Variants in SKOR2 observed in about 807,000 individuals in gnomAD.
SKOR2 encodes SKI family transcriptional corepressor 2, also known as LBX1 corepressor 1-like protein.
SKOR2 carries 47 observed loss-of-function variants against 69.1 expected under a neutral mutation model. That is an observed-to-expected ratio of 0.68 (90% confidence interval 0.54 to 0.87). The LOEUF is 0.87. Ranked by LOEUF, SKOR2 falls within the 40% of genes least tolerant of loss-of-function variation. The pLI, the probability that SKOR2 is intolerant of heterozygous loss-of-function variation, is 0.00. For synonymous variants in SKOR2, 717 were observed against 672.6 expected, an observed-to-expected ratio of 1.07 and a Z score of -1.02; for missense variants, 1,404 against 1,472.2, an observed-to-expected ratio of 0.95 and a Z score of 0.76.
chr18:47,219,879 T>A, intron 7 of SKOR2, 64 bp downstream of exon 7: 1 of 1,383,504 alleles, frequency 7.2e-7, no homozygotes, highest in Non-Finnish European at 9.9e-7. Flanking sequence ...GTTTCATACA[T>A]ATTGGGTAGT....
chr18:47,249,384 A>T (rs2064303096), intron 1 of SKOR2, among the ~76,000 whole-genome samples, 154 bp from the exon 2 acceptor site: 1 of 152,262 alleles, frequency 6.6e-6, no homozygotes, highest in Non-Finnish European at 1.5e-5. Flanking sequence ...AACACAAGAA[A>T]GTCATCTCTT....
chr18:47,232,092 T>C (rs1441834656), intron 4 of SKOR2, among the ~76,000 whole-genome samples: 1 of 151,962 alleles, frequency 6.6e-6, no homozygotes, highest in East Asian at 1.9e-4. Flanking sequence ...TGAGCTGTGA[T>C]TGCACTACTG....
chr18:47,231,843 CA>C (rs11342275), intron 4 of SKOR2, among the ~76,000 whole-genome samples: 55,949 of 130,724 alleles, frequency 0.43, 11,288 homozygotes, highest in Middle Eastern at 0.55. Flanking sequence ...AACTCCATCT[CA>C]AAAAAAAAAA....
rs1430172934 is a variant in SKOR2 at position 47,247,463 on chromosome 18, G to A, written c.1721C>T (p.Thr574Met). 3 of 1,230,060 alleles carry A rather than the reference G, an allele frequency of 2.4e-6. No homozygotes were observed. The highest frequency in any genetic ancestry group is 1.0e-6 in the Non-Finnish European group (1 of 987,184). 76.2% of individuals were successfully genotyped at this position (1,230,060 alleles called of 1,614,324 possible). Reference protein sequence around the residue: ...GSGGDCSAGSTPPADSVAAAG... With the variant: ...GSGGDCSAGSMPPADSVAAAG... The stretch of plus-strand genomic sequence containing the variant: ...AGCTGCCACAGAGTCCGCGGGCGGC[G>A]TGGAGCCCGCGCTGCAGTCCCCGCC... Residue 574 changes from threonine (T) to methionine (M), a missense_variant, in exon 2 of 9, where the codon ACG becomes ATG. Thr to Met is a moderately conservative substitution (Grantham distance 81). This residue lies in a region of SKOR2 where 1,266 missense variants were observed against 1,309.9 expected (regional missense o/e 0.97). Transcript: ENST00000425639. The surrounding 1 kb of genome is among the most constrained non-coding windows in gnomAD (Gnocchi z 6.6).
chr18:47,232,454 C>T (rs533689800), intron 4 of SKOR2, among the ~76,000 whole-genome samples: 40 of 152,198 alleles, frequency 2.6e-4, no homozygotes, highest in Admixed American at 1.2e-3. Context: ...AACCCCCTAT[C>T]CTCAATGCTC....
At chr18:47,235,352 C>T (rs1469737367) in intron 4 of SKOR2, among the ~76,000 whole-genome samples, 1 of 151,954 alleles carries the variant, frequency 6.6e-6, no homozygotes, top group Non-Finnish European at 1.5e-5. Context: ...AGAGTGAGAC[C>T]CTGACTTAAA....
chr18:47,209,982 T>C (rs987729894), intron 8 of SKOR2, among the ~76,000 whole-genome samples: 4 of 151,918 alleles, frequency 2.6e-5, no homozygotes, highest in Non-Finnish European at 5.9e-5. Context: ...AATGCTGAGA[T>C]AGGAGGATGG....
In SKOR2 at chr18:47,247,104, C is replaced by A; in HGVS notation, c.2080G>T (p.Ala694Ser). 1 of 1,298,116 alleles carries A rather than the reference C, an allele frequency of 7.7e-7. No individual in the cohort carries two copies. Among genetic ancestry groups the A allele is most frequent in the South Asian group, 2.2e-5 (1 of 46,156 alleles). The allele number at this position is 1,298,116 out of a possible 1,614,324, so 80.4% of individuals were successfully genotyped here. Residue 694 changes from alanine (A) to serine (S), a missense_variant, in exon 2 of 9, where the codon GCC (alanine) becomes TCC (serine). Transcript: ENST00000425639. This position sits in a 1 kb window ranked among gnomAD's most constrained non-coding sequence, Gnocchi z 6.6. ...DEPGSERHHP[A>S]PPPPPPPPPP... ...GGCGGCGGCGGCGGCGGCGGCGGGG[C>A]CGGGTGGTGGCGCTCGGAACCCGGC...
At chr18:47,233,544 G>A (rs2064208202) in intron 4 of SKOR2, among the ~76,000 whole-genome samples, 2 of 152,196 alleles carry the variant, frequency 1.3e-5, no homozygotes, top group Admixed American at 1.3e-4. Flanking sequence ...ATCTGAACAA[G>A]AGAAGAAAGA....
rs2064156406 is a variant in SKOR2, at chr18:47,220,026, G to T, written c.2918-16C>A. Reference sequence around the variant, plus strand: ...TGAAAATTATCTGGTAGGAGAGAGAGATAGAGAAAGATTAACTAAAGTGTA... The same window carrying T: ...TGAAAATTATCTGGTAGGAGAGAGATATAGAGAAAGATTAACTAAAGTGTA... On this transcript the variant is annotated splice_polypyrimidine_tract_variant and intron_variant, in intron 6 of 8. Transcript: ENST00000425639. 1.3e-6 allele frequency: 2 copies of T among 1,525,684 alleles called. No individual in the cohort carries two copies. Among genetic ancestry groups the T allele is most frequent in the Non-Finnish European group, 1.8e-6 (2 of 1,139,590 alleles). 94.5% of individuals were successfully genotyped at this position (1,525,684 alleles called of 1,614,324 possible). A position where few individuals can be genotyped will look rare whatever the true frequency, so the allele number is the denominator to read the frequency against.
chr18:47,234,316 C>G (rs1416919225), intron 4 of SKOR2: 3 of 151,848 alleles, frequency 2.0e-5, no homozygotes, highest in Non-Finnish European at 4.4e-5. Flanking sequence ...CAGTGAGCTC[C>G]CAATTTTTCT....
chr18:47,220,574 C>G (rs1355326229), intron 6 of SKOR2, among the ~76,000 whole-genome samples: 1 of 152,166 alleles, frequency 6.6e-6, no homozygotes, highest in Non-Finnish European at 1.5e-5. Context: ...TTTTATGTTC[C>G]TGCTTTGTCC....
intron 7 of SKOR2, among the ~76,000 whole-genome samples, chr18:47,212,845 C>G (rs932597050): frequency 6.6e-6 from 1 of 151,936 alleles, no homozygotes; most frequent in African/African-American, 2.4e-5. Context: ...TGGTGGCACA[C>G]ACCTGCTACT....
chr18:47,245,067 G>C, intron 3 of SKOR2, 85 bp from the exon 4 acceptor site: 1 of 1,074,706 alleles, frequency 9.3e-7, no homozygotes, highest in Non-Finnish European at 1.3e-6. Context: ...TTTTTGCAGG[G>C]AGGATGCTAC....
chr18:47,247,938 C>G lies in SKOR2; in HGVS notation c.1246G>C (p.Ala416Pro). Residue 416 changes from alanine to proline, a missense_variant, in exon 2 of 9, where the codon GCC becomes CCC. Physicochemically the swap from Ala to Pro is conservative, Grantham distance 27. Transcript: ENST00000425639. The surrounding 1 kb of genome is among the most constrained non-coding windows in gnomAD (Gnocchi z 6.6). ...TTCTTATGGCACAAGCTGAAGGCGG[C>G]GGCCGCGGCAGGGAAGGTGTAGGGG... ...PHPYTFPAAA[A>P]AFSLCHKKED... 1 of 1,366,184 alleles carries G rather than the reference C, an allele frequency of 7.3e-7. No individual in the cohort carries two copies. Among genetic ancestry groups the G allele is most frequent in the Non-Finnish European group, 9.4e-7 (1 of 1,065,782 alleles). The allele number at this position is 1,366,184 out of a possible 1,614,324, so 84.6% of individuals were successfully genotyped here.
At chr18:47,223,517 T>C (rs1372610612) in intron 6 of SKOR2, among the ~76,000 whole-genome samples, 1 of 152,158 alleles carries the variant, frequency 6.6e-6, no homozygotes, top group Non-Finnish European at 1.5e-5. Flanking sequence ...GAAATAATAG[T>C]GGATACATGC....
Position 47,211,690 on chromosome 18 carries a change from A to G in SKOR2, c.*3+396T>C, listed in dbSNP as rs943883909. 2.6e-5 allele frequency among the ~76,000 whole-genome samples: 4 copies of G among 152,162 alleles called. No individual in the cohort carries two copies. The East Asian group carries it at 7.7e-4, about 29-fold the overall frequency. On this transcript the variant is annotated intron_variant, in intron 8 of 8. Transcript: ENST00000425639. The stretch of plus-strand genomic sequence containing the variant: ...ATTACCACCTGCAGTAACTCTCTGA[A>G]AGTCAGATTTCAGGCAGGCTTTTTG...
intron 4 of SKOR2, among the ~76,000 whole-genome samples, chr18:47,238,914 A>G (rs2064237048): frequency 6.6e-6 from 1 of 152,242 alleles, no homozygotes; most frequent in Non-Finnish European, 1.5e-5. Flanking sequence ...CTGTTGCTCA[A>G]CAGCAGGCAC....
Position 47,247,585 on chromosome 18 carries a change from C to CG in SKOR2, c.1598dup (p.Gln534AlafsTer231). 7.9e-7 allele frequency: 1 copy of CG among 1,258,138 alleles called. No individual in the cohort carries two copies. Among genetic ancestry groups the CG allele is most frequent in the Non-Finnish European group, 1.0e-6 (1 of 1,004,004 alleles). The allele number at this position is 1,258,138 out of a possible 1,614,324, so 77.9% of individuals were successfully genotyped here. ...AGCCCGGGCCGTTGGCCACTACCTG[C>CG]GGGGGCTGCCCCGGCGGGGGCGCGG... On this transcript the variant is annotated frameshift_variant, in exon 2 of 9. Coordinates refer to ENST00000425639, the MANE Select transcript of SKOR2 (RefSeq NM_001278063.4). LOFTEE classifies it high-confidence loss of function. The surrounding 1 kb of genome is among the most constrained non-coding windows in gnomAD (Gnocchi z 6.6).
Sources: allele counts gnomAD v4.1 joint callset (sites outside exome capture counted in the v4.1 genomes callset), GRCh38; gene constraint gnomAD v4.1.1; regional missense constraint gnomAD v4.1.1; non-coding constraint Gnocchi (gnomAD v3.1); transcripts MANE v1.5; gene names NCBI Gene and HGNC (gene_info 2026-07-23, HGNC 2026-07-21).